Variants in CTBP2 observed in about 807,000 individuals in gnomAD.
CTBP2 encodes the protein C-terminal-binding protein 2.
Under a neutral mutation model 80.3 loss-of-function variants are expected in CTBP2, and 30 were observed. The observed-to-expected ratio is 0.37, with a 90% CI of 0.28 to 0.51. The LOEUF (loss-of-function observed/expected upper bound fraction) is 0.51. Among genes scored for constraint, CTBP2 ranks in the 20% least tolerant of loss-of-function variants. The pLI, the probability that CTBP2 is intolerant of heterozygous loss-of-function variation, is 0.93. For synonymous variants in CTBP2, 594 were observed against 587.4 expected (o/e 1.01, Z -0.16); for missense variants, 1,212 against 1,375.3 (o/e 0.88, Z 1.88).
Position 125,066,010 on chromosome 10 carries a change from A to G in CTBP2, c.-101-26855T>C, listed in dbSNP as rs2135401432. ...CAGCTACCCAGGTGGCTGAGGTGGG[A>G]GGATCGCTTGAGCCCAGAAGGCAGA... On this transcript the variant is annotated intron_variant, in intron 2 of 10. Transcript: ENST00000337195. The surrounding 1 kb of genome is among the most constrained non-coding windows in gnomAD (Gnocchi z 4.1). Among the ~76,000 whole-genome samples, 1 of 151,424 alleles carries G rather than the reference A, an allele frequency of 6.6e-6. No homozygotes were observed. The highest frequency in any genetic ancestry group is 6.6e-5 in the Admixed American group (1 of 15,214).
chr10:125,119,393 A>G (rs1853927966), intron 1 of CTBP2, among the ~76,000 whole-genome samples: 1 of 152,232 alleles, frequency 6.6e-6, no homozygotes, highest in Non-Finnish European at 1.5e-5. Context: ...CCCCTAGGGA[A>G]TCCTTAGAAA....
chr10:125,150,096 C>T (rs1859555236), intron 1 of CTBP2, among the ~76,000 whole-genome samples: 2 of 152,202 alleles, frequency 1.3e-5, no homozygotes, highest in African/African-American at 2.4e-5. Flanking sequence ...ACCCCCAACT[C>T]CCCAACGTGG....
chr10:125,130,366 G>A (rs1855966107), intron 1 of CTBP2, among the ~76,000 whole-genome samples: 1 of 152,156 alleles, frequency 6.6e-6, no homozygotes, highest in Non-Finnish European at 1.5e-5. Context: ...AGGACTTCTA[G>A]CCTTCCCTTG....
chr10:125,141,964 G>A (rs888687850), intron 1 of CTBP2, among the ~76,000 whole-genome samples: 7 of 152,148 alleles, frequency 4.6e-5, no homozygotes, highest in Admixed American at 1.3e-4. Flanking sequence ...TATGGCGGAC[G>A]AAGAGGCACC....
chr10:124,997,911 C>A, intron 4 of CTBP2, 53 bp downstream of exon 6: 1 of 1,565,842 alleles, frequency 6.4e-7, no homozygotes, highest in Non-Finnish European at 8.7e-7. Context: ...GTCCCCACTA[C>A]ACCAGCCCCA....
Position 124,989,533 on chromosome 10 carries a change from G to T in CTBP2, c.2943C>A (p.His981Gln). 1 of 1,612,800 alleles carries T rather than the reference G, an allele frequency of 6.2e-7. No individual in the cohort carries two copies. The highest frequency in any genetic ancestry group is 8.5e-7 in the Non-Finnish European group (1 of 1,179,852). ...GCATTCTCTGCTATTGCTCGTTGGG[G>T]TGCTCTCGATTGTCCCCGTGTTTTG... Residue 981 changes from histidine (H) to glutamine (Q), a missense_variant, in exon 9 of 9, where the codon CAC becomes CAA. His to Gln is a conservative substitution (Grantham distance 24). Transcript: ENST00000309035.
At chr10:125,043,644 G>A (rs1159739393) in intron 2 of CTBP2, among the ~76,000 whole-genome samples, 3 of 152,044 alleles carry the variant, frequency 2.0e-5, no homozygotes, top group Non-Finnish European at 4.4e-5. Flanking sequence ...CACCGTGTTA[G>A]CCAGGATGGT....
intron 2 of CTBP2, among the ~76,000 whole-genome samples, chr10:125,085,174 A>G (rs1847793932): frequency 1.3e-5 from 2 of 152,230 alleles, no homozygotes; most frequent in Admixed American, 6.5e-5. Context: ...GCGGATTGCA[A>G]ACAGCTGCCG....
At chr10:125,159,587 C>T (rs1020372435) in intron 1 of CTBP2, among the ~76,000 whole-genome samples, 4 of 150,604 alleles carry the variant, frequency 2.7e-5, no homozygotes, top group African/African-American at 7.3e-5. Flanking sequence ...ACTTCGCCTC[C>T]TTTCCCGTCT....
rs115983136 is a variant in CTBP2, at chr10:125,114,051, C to A, written c.-205-2958G>T. On this transcript the variant is annotated intron_variant, in intron 1 of 10. Transcript: ENST00000337195. ...TTTCAGCAGATACTTGCTGACAGTG[C>A]GGCGTGGACTAGTGCCCCGAGGATT... is the stretch of plus-strand genomic sequence containing the variant. 7.2e-3 allele frequency among the ~76,000 whole-genome samples: 1,097 copies of A among 152,302 alleles called. 11 individuals carry two copies. Among genetic ancestry groups the A allele is most frequent in the African/African-American group, 0.024 (999 of 41,566 alleles).
intron 3 of CTBP2, among the ~76,000 whole-genome samples, chr10:125,034,777 CAAAT>C (rs1958671504): frequency 6.6e-6 from 1 of 152,154 alleles, no homozygotes; most frequent in Non-Finnish European, 1.5e-5. Context: ...AGAACAAAAA[CAAAT>C]AAATCTTAAA....
At chr10:125,106,731 T>C (rs1254229722) in intron 2 of CTBP2, among the ~76,000 whole-genome samples, 1 of 152,164 alleles carries the variant, frequency 6.6e-6, no homozygotes, top group Non-Finnish European at 1.5e-5. Context: ...GGCCACACAG[T>C]GTTGACACAT....
chr10:125,002,927 A>G (rs762085279), intron 3 of CTBP2, 33 bp downstream of exon 5: 3 of 1,609,166 alleles, frequency 1.9e-6, no homozygotes, highest in Non-Finnish European at 2.5e-6. Context: ...AGCTCCGGAC[A>G]ACTCCAGGCA....
intron 1 of CTBP2, among the ~76,000 whole-genome samples, chr10:125,118,445 G>C (rs1176872651): frequency 2.6e-5 from 4 of 152,198 alleles, no homozygotes; most frequent in Admixed American, 2.6e-4. Flanking sequence ...GGGCTGCCAT[G>C]GGCCAAGTTT....
At chr10:125,126,527 G>C (rs1025923275) in intron 1 of CTBP2, among the ~76,000 whole-genome samples, 1 of 152,224 alleles carries the variant, frequency 6.6e-6, no homozygotes, top group Non-Finnish European at 1.5e-5. Flanking sequence ...TGAGGATGGG[G>C]ATGGCAAAGG....
At chr10:125,096,688 A>C (rs1424013357) in intron 2 of CTBP2, among the ~76,000 whole-genome samples, 1 of 151,822 alleles carries the variant, frequency 6.6e-6, no homozygotes, top group Non-Finnish European at 1.5e-5. Flanking sequence ...GGTTTAAAAA[A>C]AAGCCAGCCA....
At chr10:125,133,187 C>G (rs1033746261) in intron 1 of CTBP2, among the ~76,000 whole-genome samples, 13 of 152,190 alleles carry the variant, frequency 8.5e-5, no homozygotes, top group Non-Finnish European at 1.9e-4. Flanking sequence ...AATCCACATA[C>G]AGCAGGTCAG....
intron 2 of CTBP2, among the ~76,000 whole-genome samples, chr10:125,080,860 T>A (rs572756985): frequency 6.6e-6 from 1 of 151,560 alleles, no homozygotes; most frequent in Non-Finnish European, 1.5e-5. Context: ...CAACTGCACA[T>A]GCGTCACCTC....
rs1213482348 is a variant in CTBP2, at chr10:124,987,448, TTA to T, written c.*2068_*2069del. 2.6e-5 allele frequency: 4 copies of T among 152,102 alleles called. No individual in the cohort carries two copies. The highest frequency in any genetic ancestry group is 5.9e-5 in the Non-Finnish European group (4 of 68,024). The allele number at this position is 152,102 out of a possible 1,614,324, so 9.4% of individuals were successfully genotyped here. On this transcript the variant is annotated 3_prime_UTR_variant, in exon 9 of 9. Transcript: ENST00000309035. Reference sequence around the variant, plus strand: ...GGACCATGGATTCAGACCTGCCTTTTTATGTTTTTGACTCTTAGGTTCATCGT... The same window carrying T: ...GGACCATGGATTCAGACCTGCCTTTTTGTTTTTGACTCTTAGGTTCATCGT...
Sources: gnomAD v4.1 joint callset for allele counts (sites outside exome capture counted in the v4.1 genomes callset) on GRCh38, gnomAD v4.1.1 for gene constraint, Gnocchi (gnomAD v3.1) non-coding constraint, MANE v1.5 for transcripts, NCBI Gene and HGNC (gene_info 2026-07-23, HGNC 2026-07-21) for gene names.